Variants in ZFHX4 observed in about 807,000 individuals in gnomAD.
The protein encoded by ZFHX4 is zinc finger homeobox 4, also known as zinc finger homeobox protein 4.
In ZFHX4, 56 loss-of-function variants were observed where a neutral mutation model predicts 267.6. That is an observed-to-expected ratio of 0.21 (90% CI 0.17 to 0.26). ZFHX4 has a LOEUF of 0.26. Among genes scored for constraint, ZFHX4 ranks in the 10% least tolerant of loss-of-function variants. The pLI is 1.00. For synonymous variants in ZFHX4, 1,778 were observed against 1,665.6 expected (o/e 1.07, Z -1.64); for missense variants, 4,332 against 4,420.0 (o/e 0.98, Z 0.56).
At position 76,851,894 on chromosome 8, in the gene ZFHX4, T is replaced by A; in HGVS notation, c.4973T>A (p.Val1658Glu). 1 of 1,613,944 alleles carries A rather than the reference T, an allele frequency of 6.2e-7. No homozygotes were observed. Among genetic ancestry groups the A allele is most frequent in the Admixed American group, 1.7e-5 (1 of 60,018 alleles). ...TTAGATTCCATGAGTTTAGCAGCTG[T>A]AAACAGCAAAGATACCCATTTAGAT... ...GMLDSMSLAAVNSKDTHLDAK... is the reference protein window; with the variant it reads ...GMLDSMSLAAENSKDTHLDAK... Residue 1658 changes from valine to glutamate, a missense_variant, in exon 10 of 11, where the codon GTA becomes GAA. Physicochemically the swap from Val to Glu is moderately radical, Grantham distance 121 (BLOSUM62 -2). Coordinates refer to ENST00000651372, the MANE Select transcript of ZFHX4 (RefSeq NM_024721.5).
intron 4 of ZFHX4, among the ~76,000 whole-genome samples, chr8:76,812,969 G>A (rs1024200343): frequency 1.3e-5 from 2 of 152,100 alleles, no homozygotes; most frequent in Non-Finnish European, 2.9e-5. Flanking sequence ...GATAGTGATG[G>A]CAGCTGTGAG....
chr8:76,693,612 T>A (rs532712703), intron 1 of ZFHX4: 7 of 152,356 alleles, frequency 4.6e-5, no homozygotes, highest in African/African-American at 1.7e-4. Flanking sequence ...TAATTTGTTA[T>A]GCTTACGCTG....
At chr8:76,779,747 G>A (rs1291127937) in intron 4 of ZFHX4, among the ~76,000 whole-genome samples, 2 of 151,988 alleles carry the variant, frequency 1.3e-5, no homozygotes, top group Admixed American at 1.3e-4. Flanking sequence ...GCGTAAGGGG[G>A]TCTGGCATGA....
intron 3 of ZFHX4, among the ~76,000 whole-genome samples, chr8:76,751,107 A>G (rs1809603467): frequency 6.6e-6 from 1 of 152,118 alleles, no homozygotes; most frequent in South Asian, 2.1e-4. Flanking sequence ...GTCTCTTGGA[A>G]GCCCTTGGAA....
chr8:76,739,647 C>T (rs1191797529), intron 3 of ZFHX4, among the ~76,000 whole-genome samples: 4 of 151,942 alleles, frequency 2.6e-5, no homozygotes, highest in Admixed American at 6.6e-5. Context: ...TGGGGGTAAG[C>T]AGGGAGGGAT....
intron 3 of ZFHX4, among the ~76,000 whole-genome samples, chr8:76,725,873 T>TA (rs1189442616): frequency 1.3e-5 from 2 of 152,172 alleles, no homozygotes; most frequent in Non-Finnish European, 2.9e-5. Flanking sequence ...TAATACCAGT[T>TA]AGCAAGGACA....
In ZFHX4 at chr8:76,854,823, G is replaced by C. The variant is rs1046645568; in HGVS notation, c.7902G>C (p.Met2634Ile). 9 of 1,611,350 alleles carry C rather than the reference G, an allele frequency of 5.6e-6. No individual in the cohort carries two copies. Among genetic ancestry groups the C allele is most frequent in the Non-Finnish European group, 7.6e-6 (9 of 1,179,128 alleles). Residue 2634 changes from methionine (M) to isoleucine (I), a missense_variant, in exon 10 of 11, where the codon ATG (methionine) becomes ATC (isoleucine). Physicochemically the swap from Met to Ile is conservative, Grantham distance 10. Around this residue, in one of 7 missense-constraint regions of ZFHX4, gnomAD observed 1,648 missense variants for 1,625.0 expected, o/e 1.01. Transcript: ENST00000651372. ...TGGATTCCAATCCTACCAGAAAAATGCTTGATCATATTGCCCGCGAAGTCG... is the reference window on the plus strand; with the variant it reads ...TGGATTCCAATCCTACCAGAAAAATCCTTGATCATATTGCCCGCGAAGTCG... ...YLLDSNPTRK[M>I]LDHIAREVGL...
chr8:76,695,300 G>A (rs1443953170), intron 1 of ZFHX4, among the ~76,000 whole-genome samples: 1 of 152,182 alleles, frequency 6.6e-6, no homozygotes, highest in Non-Finnish European at 1.5e-5. Context: ...AGGAAGACCT[G>A]CATGATGTAC....
At position 76,705,834 on chromosome 8, in the gene ZFHX4, A is replaced by C; in HGVS notation, c.1746A>C (p.Glu582Asp). Residue 582 changes from glutamate (E) to aspartate (D), a missense_variant, in exon 2 of 11, where the codon GAA becomes GAC. Glu to Asp is a conservative substitution (Grantham distance 45, BLOSUM62 2). Around this residue, in one of 7 missense-constraint regions of ZFHX4, gnomAD observed 1,195 missense variants for 1,173.6 expected, o/e 1.02. Coordinates refer to ENST00000651372, the MANE Select transcript of ZFHX4 (RefSeq NM_024721.5). ...AHPSEIARGD[E>D]DSSATPHQHG... Reference sequence around the variant, plus strand: ...CAAGTGAAATAGCCCGGGGAGACGAAGACAGTTCAGCCACTCCTCACCAGC... The same window carrying C: ...CAAGTGAAATAGCCCGGGGAGACGACGACAGTTCAGCCACTCCTCACCAGC... 6.2e-7 allele frequency: 1 copy of C among 1,613,908 alleles called. No homozygotes were observed. Among genetic ancestry groups the C allele is most frequent in the Non-Finnish European group, 8.5e-7 (1 of 1,179,868 alleles).
intron 1 of ZFHX4, among the ~76,000 whole-genome samples, chr8:76,685,006 G>A (rs1427255275): frequency 6.6e-6 from 1 of 152,140 alleles, no homozygotes; most frequent in African/African-American, 2.4e-5. Flanking sequence ...TGATTGCAAG[G>A]GTTTAATGTT....
chr8:76,854,139 T>C lies in ZFHX4; in HGVS notation c.7218T>C (p.Pro2406=), dbSNP rs182573029. The C allele has an allele frequency of 6.2e-6, 10 of 1,611,886 alleles. No individual in the cohort carries two copies. Among genetic ancestry groups the C allele is most frequent in the East Asian group, 2.2e-5 (1 of 44,724 alleles). ...AACCTGAGAAGACTTCTCCAAAACC[T>C]GAATATCCCGCAGAAAAGCCAAAGC... The part of the protein sequence containing the change: ...KPEPEKTSPK[P]EYPAEKPKQS... The change falls in exon 10 of 11, where the codon CCT becomes CCC. Residue 2406 remains proline, a synonymous_variant. Transcript: ENST00000651372.
At chr8:76,835,872 T>C (rs931213250) in intron 5 of ZFHX4, among the ~76,000 whole-genome samples, 10 of 152,168 alleles carry the variant, frequency 6.6e-5, no homozygotes, top group Non-Finnish European at 4.4e-5. Flanking sequence ...TGTCTGAGAA[T>C]CTTTGGACTT....
intron 4 of ZFHX4, among the ~76,000 whole-genome samples, chr8:76,799,030 T>A (rs1406938489): frequency 6.6e-6 from 1 of 152,212 alleles, no homozygotes; most frequent in Non-Finnish European, 1.5e-5. Flanking sequence ...ACAATAAGAA[T>A]GTTTCATTTC....
chr8:76,835,220 T>TAC (rs1491395998), intron 5 of ZFHX4, among the ~76,000 whole-genome samples: 38 of 63,482 alleles, frequency 6.0e-4, no homozygotes, highest in Admixed American at 2.3e-3. Flanking sequence ...TATATATATG[T>TAC]ATATATATAT....
chr8:76,862,169 AT>A (rs1812887063), intron 10 of ZFHX4, among the ~76,000 whole-genome samples: 1 of 152,210 alleles, frequency 6.6e-6, no homozygotes, highest in Non-Finnish European at 1.5e-5. Context: ...GTAATAGGTT[AT>A]TATCAGCCAC....
chr8:76,830,545 T>G (rs1253280083), intron 4 of ZFHX4, among the ~76,000 whole-genome samples: 5 of 152,194 alleles, frequency 3.3e-5, no homozygotes, highest in Non-Finnish European at 1.5e-5. Flanking sequence ...AAATATAGAT[T>G]CATCATTTCA....
intron 3 of ZFHX4, among the ~76,000 whole-genome samples, chr8:76,746,235 A>G (rs940730408): frequency 6.6e-6 from 1 of 152,166 alleles, no homozygotes; most frequent in Non-Finnish European, 1.5e-5. Context: ...GCAAGACTCC[A>G]TCTCTAACAT....
intron 3 of ZFHX4, among the ~76,000 whole-genome samples, chr8:76,718,060 G>A (rs904362876): frequency 5.3e-5 from 8 of 152,140 alleles, no homozygotes; most frequent in African/African-American, 1.7e-4. Context: ...TCTAATTGCC[G>A]ACACCTCTGA....
At position 76,704,368 on chromosome 8, in the gene ZFHX4, A is replaced by C. The variant is rs745916468; in HGVS notation, c.280A>C (p.Lys94Gln). 6.2e-7 allele frequency: 1 copy of C among 1,613,888 alleles called. No individual in the cohort carries two copies. The highest frequency in any genetic ancestry group is 8.5e-7 in the Non-Finnish European group (1 of 1,179,898). ...TGCCACTTCTTTTCCCAGTTTACAGAAATACATGGAACACCACTGCCCTAA... is the reference window on the plus strand; with the variant it reads ...TGCCACTTCTTTTCCCAGTTTACAGCAATACATGGAACACCACTGCCCTAA... ...ECATSFPSLQKYMEHHCPNAR... is the reference protein window; with the variant it reads ...ECATSFPSLQQYMEHHCPNAR... The change falls in exon 2 of 11, where the codon AAA becomes CAA. Residue 94 changes from lysine to glutamine, a missense_variant. Lys to Gln is a moderately conservative substitution (Grantham distance 53). Around this residue, in one of 7 missense-constraint regions of ZFHX4, gnomAD observed 1,195 missense variants for 1,173.6 expected, o/e 1.02. Transcript: ENST00000651372.
Sources: gnomAD v4.1 joint callset for allele counts (sites outside exome capture counted in the v4.1 genomes callset) on GRCh38, gnomAD v4.1.1 for gene constraint, gnomAD v4.1.1 regional missense constraint, MANE v1.5 for transcripts, NCBI Gene and HGNC (gene_info 2026-07-23, HGNC 2026-07-21) for gene names.